The following ASTN1 variants were observed in gnomAD, a reference collection of about 807,000 sequenced individuals.
The protein encoded by ASTN1 is astrotactin 1.
Under a neutral mutation model 140.7 loss-of-function variants are expected in ASTN1, and 41 were observed. The observed-to-expected ratio is 0.29, with a 90% CI of 0.23 to 0.38. The LOEUF (loss-of-function observed/expected upper bound fraction) is 0.38, where lower values mean the gene tolerates loss of function less well. Ranked by LOEUF, ASTN1 falls within the 10% of genes least tolerant of loss-of-function variation. The probability of loss-of-function intolerance (pLI) is 1.00; values close to 1 mark genes in which losing one functional copy is unlikely to be tolerated. For missense variants in ASTN1, 1,479 were observed against 1,678.8 expected, an observed-to-expected ratio of 0.88 and a Z score of 2.08; for synonymous variants, 640 against 652.2, an observed-to-expected ratio of 0.98 and a Z score of 0.29.
At chr1:176,872,193 C>A (rs568285551) in intron 21 of ASTN1, among the ~76,000 whole-genome samples, 5 of 142,050 alleles carry the variant, frequency 3.5e-5, no homozygotes, top group East Asian at 2.0e-4. Flanking sequence ...AAATGTCAAA[C>A]CTTTTTTTTT....
intron 1 of ASTN1, among the ~76,000 whole-genome samples, chr1:177,142,889 G>C (rs747640721): frequency 9.1e-4 from 125 of 137,676 alleles, no homozygotes; most frequent in Non-Finnish European, 1.4e-3. Flanking sequence ...AAGGAGCAAG[G>C]AGGAAAAAAA....
Position 177,006,384 on chromosome 1 carries a change from A to G in ASTN1, c.1523+8407T>C, listed in dbSNP as rs565316187. On this transcript the variant is annotated intron_variant, in intron 8 of 22. Coordinates refer to ENST00000361833, the MANE Select transcript of ASTN1 (RefSeq NM_004319.3). ...GTTTTCTCTACACATGGGATAATGA[A>G]TGTATTTTTTTCTATTGATTAAAAA... 7.3e-4 allele frequency among the ~76,000 whole-genome samples: 111 copies of G among 152,042 alleles called. 2 individuals carry two copies. The Middle Eastern group carries it at 0.014, about 19-fold the overall frequency.
intron 8 of ASTN1, 86 bp from the exon 9 acceptor site, chr1:176,965,323 G>A: frequency 7.4e-7 from 1 of 1,344,244 alleles, no homozygotes; most frequent in South Asian, 1.3e-5. Flanking sequence ...GTGCTAGGTG[G>A]TAGACACCCA....
chr1:176,876,474 A>G, intron 21 of ASTN1, 63 bp downstream of exon 21: 1 of 1,548,410 alleles, frequency 6.5e-7, no homozygotes. Context: ...TTCTGTCCTC[A>G]TAGCAAGTGG....
intron 1 of ASTN1, among the ~76,000 whole-genome samples, chr1:177,134,199 T>A (rs903746616): frequency 9.8e-5 from 15 of 152,354 alleles, no homozygotes; most frequent in African/African-American, 3.6e-4. Context: ...AATACAGGAA[T>A]GTCATTGCAT....
chr1:176,920,511 C>T (rs990309537), intron 16 of ASTN1, among the ~76,000 whole-genome samples: 3 of 152,200 alleles, frequency 2.0e-5, no homozygotes, highest in Admixed American at 6.5e-5. Flanking sequence ...CTTACAGTGC[C>T]TTTCGGGGTC....
intron 1 of ASTN1, among the ~76,000 whole-genome samples, chr1:177,158,210 T>C (rs1683323153): frequency 1.3e-5 from 2 of 152,244 alleles, no homozygotes; most frequent in Admixed American, 6.5e-5. Flanking sequence ...TGTTTGTTCC[T>C]TGGAAATCTA....
chr1:177,146,742 T>C (rs970835340), intron 1 of ASTN1, among the ~76,000 whole-genome samples: 1 of 152,204 alleles, frequency 6.6e-6, no homozygotes, highest in Non-Finnish European at 1.5e-5. Flanking sequence ...CTGTCAGTTG[T>C]TTTCCGAGAT....
chr1:176,858,596 CTG>C (rs1344485171), downstream of ASTN1, among the ~76,000 whole-genome samples: 3 of 152,182 alleles, frequency 2.0e-5, no homozygotes, highest in Non-Finnish European at 4.4e-5. Flanking sequence ...TTTCTTGGCT[CTG>C]AATCATCCTC....
intron 8 of ASTN1, among the ~76,000 whole-genome samples, chr1:176,966,184 T>G (rs1672875703): frequency 6.6e-6 from 1 of 152,214 alleles, no homozygotes; most frequent in East Asian, 1.9e-4. Context: ...AGACATTCCT[T>G]TTGTTTTCAA....
At position 176,942,820 on chromosome 1, in the gene ASTN1, G is replaced by GTATATA. The variant is rs148722284; in HGVS notation, c.2377+1065_2377+1070dup. Among the ~76,000 whole-genome samples, 227 of 25,298 alleles carry GTATATA rather than the reference G, an allele frequency of 9.0e-3. 47 individuals are homozygous for GTATATA. The highest frequency in any genetic ancestry group is 0.013 in the Non-Finnish European group (166 of 12,424). The allele number at this position is 25,298 out of a possible 152,430, so 16.6% of individuals were successfully genotyped here. ...CCAAACCAATGTACTTTGTGTGTGT[G>GTATATA]TATATATATATATATGTATATATAT... On this transcript the variant is annotated intron_variant, in intron 14 of 22. Transcript: ENST00000361833.
chr1:176,950,272 C>A (rs942474106), intron 11 of ASTN1, among the ~76,000 whole-genome samples: 1 of 152,168 alleles, frequency 6.6e-6, no homozygotes, highest in African/African-American at 2.4e-5. Context: ...CCCCATTTTG[C>A]ATATGAGGCA....
intron 8 of ASTN1, among the ~76,000 whole-genome samples, chr1:176,982,444 G>A (rs1407904632): frequency 6.6e-6 from 1 of 152,184 alleles, no homozygotes; most frequent in African/African-American, 2.4e-5. Context: ...TTATTAAAAT[G>A]TGAATTTCTG....
At position 177,142,646 on chromosome 1, in the gene ASTN1, T is replaced by A. The variant is rs573711249; in HGVS notation, c.283+21748A>T. Among the ~76,000 whole-genome samples, 6 of 152,288 alleles carry A rather than the reference T, an allele frequency of 3.9e-5. No individual in the cohort carries two copies. In the East Asian group the frequency reaches 1.2e-3, roughly 29 times the overall value. On this transcript the variant is annotated intron_variant, in intron 1 of 22. Coordinates refer to ENST00000361833, the MANE Select transcript of ASTN1 (RefSeq NM_004319.3). Reference sequence around the variant, plus strand: ...AAAAAAATGAGGGAAAGGAAGAGGATCTTAAAAATCAGTAGACTGAGTCTA... The same window carrying A: ...AAAAAAATGAGGGAAAGGAAGAGGAACTTAAAAATCAGTAGACTGAGTCTA...
chr1:177,139,788 AG>A (rs1454326345), intron 1 of ASTN1, among the ~76,000 whole-genome samples: 3 of 152,178 alleles, frequency 2.0e-5, no homozygotes, highest in African/African-American at 7.2e-5. Flanking sequence ...GGGGCCCCAC[AG>A]AGAAAACATT....
chr1:177,140,893 T>G (rs1457976729), intron 1 of ASTN1, among the ~76,000 whole-genome samples: 1 of 152,170 alleles, frequency 6.6e-6, no homozygotes, highest in Non-Finnish European at 1.5e-5. Context: ...ACTATTTACC[T>G]TATGAAGTCT....
intron 1 of ASTN1, among the ~76,000 whole-genome samples, chr1:177,106,449 G>A (rs1680548026): frequency 6.6e-6 from 1 of 152,122 alleles, no homozygotes; most frequent in African/African-American, 2.4e-5. Context: ...GAGTTCTGCT[G>A]CAGCTTACAG....
intron 20 of ASTN1, among the ~76,000 whole-genome samples, chr1:176,879,435 A>G (rs2103022966): frequency 6.6e-6 from 1 of 152,326 alleles, no homozygotes; most frequent in Non-Finnish European, 1.5e-5. Context: ...CTATGGCTGC[A>G]TTCCAGCCAC....
rs146301964 is a variant in ASTN1 at position 176,863,565 on chromosome 1, T to A, written c.*719A>T. 1 of 985,362 alleles carries A rather than the reference T, an allele frequency of 1.0e-6. No individual in the cohort carries two copies. The highest frequency in any genetic ancestry group is 4.7e-5 in the South Asian group (1 of 21,278). 61.0% of individuals were successfully genotyped at this position (985,362 alleles called of 1,614,324 possible). ...ATGGCATCTTGTTCCCTCTCAAAGATCATGTTGTTCAGAGGAAGGGACAGA... is the reference window on the plus strand; with the variant it reads ...ATGGCATCTTGTTCCCTCTCAAAGAACATGTTGTTCAGAGGAAGGGACAGA... On this transcript the variant is annotated 3_prime_UTR_variant, in exon 23 of 23. Transcript: ENST00000361833.
Sources: gnomAD v4.1 joint callset for allele counts (sites outside exome capture counted in the v4.1 genomes callset) on GRCh38, gnomAD v4.1.1 for gene constraint, MANE v1.5 for transcripts, NCBI Gene and HGNC (gene_info 2026-07-23, HGNC 2026-07-21) for gene names.